Variants in C13orf42 observed in about 807,000 individuals in gnomAD.
C13orf42 encodes the protein uncharacterized protein C13orf42.
chr13:51,086,311 A>G (rs1371764456), intron 2 of C13orf42, among the ~76,000 whole-genome samples: 1 of 135,338 alleles, frequency 7.4e-6, no homozygotes, highest in Non-Finnish European at 1.6e-5. Flanking sequence ...GTCTCAAAAA[A>G]AAAAACAAAA....
At chr13:51,150,725 G>A (rs560807419) in intron 1 of C13orf42, among the ~76,000 whole-genome samples, 64 of 152,232 alleles carry the variant, frequency 4.2e-4, no homozygotes, top group Non-Finnish European at 6.2e-4. Context: ...GATACTCGCA[G>A]AGAGACCCTC....
chr13:51,102,186 G>T (rs776909028), intron 1 of C13orf42, among the ~76,000 whole-genome samples: 32 of 152,116 alleles, frequency 2.1e-4, no homozygotes, highest in Non-Finnish European at 4.1e-4. Flanking sequence ...CCCAGCCCCC[G>T]CCAGTAACTG....
intron 1 of C13orf42, among the ~76,000 whole-genome samples, chr13:51,154,327 C>T (rs550284040): frequency 4.6e-5 from 7 of 152,276 alleles, no homozygotes; most frequent in Middle Eastern, 3.4e-3. Context: ...TCCCTGCTTT[C>T]GATTCTGTTG....
rs555414977 is a variant in C13orf42, at chr13:51,126,745, G to GC, written n.137-13524dup. Among the ~76,000 whole-genome samples, 32 of 152,330 alleles carry GC rather than the reference G, an allele frequency of 2.1e-4. No homozygotes were observed. In the South Asian group the frequency reaches 6.6e-3, roughly 32 times the overall value. ...GAGTGAATTACCAGGGGAGGTTCTT[G>GC]CCCAAGACTGGGGGAGATGGTTGCC... On this transcript the variant is annotated intron_variant and non_coding_transcript_variant, in intron 1 of 4. Coordinates refer to the C13orf42 transcript ENST00000433280.
At chr13:51,105,581 C>T (rs1413747967) in intron 1 of C13orf42, among the ~76,000 whole-genome samples, 1 of 152,198 alleles carries the variant, frequency 6.6e-6, no homozygotes, top group Non-Finnish European at 1.5e-5. Flanking sequence ...TGGTTCTTCT[C>T]AGATCATCAG....
chr13:51,149,465 A>C (rs1340546), intron 1 of C13orf42, among the ~76,000 whole-genome samples: 2 of 152,014 alleles, frequency 1.3e-5, no homozygotes, highest in Non-Finnish European at 2.9e-5. Context: ...TGATTTCTCT[A>C]AAGAGCCATT....
intron 1 of C13orf42, among the ~76,000 whole-genome samples, chr13:51,124,317 C>T (rs779798307): frequency 3.9e-5 from 6 of 152,186 alleles, no homozygotes; most frequent in Non-Finnish European, 8.8e-5. Context: ...AATAATAAAA[C>T]TCAGGTCTCC....
rs369565522 is a variant in C13orf42, at chr13:51,086,961, GAAC to G, written c.562+964_562+966del. ...CACAGATACACATCTATCAAGGCCA[GAAC>G]AACAACAACAAATCACAAGCTTCTT... On this transcript the variant is annotated intron_variant, in intron 2 of 3. Coordinates refer to ENST00000563710, the MANE Select transcript of C13orf42 (RefSeq NM_001351589.3). Among the ~76,000 whole-genome samples the G allele has an allele frequency of 9.1e-3, 1,390 of 152,226 alleles. 25 individuals are homozygous for G. The highest frequency in any genetic ancestry group is 0.032 in the African/African-American group (1,322 of 41,510).
intron 1 of C13orf42, among the ~76,000 whole-genome samples, chr13:51,153,798 T>A (rs1212239648): frequency 6.6e-6 from 1 of 151,934 alleles, no homozygotes; most frequent in Non-Finnish European, 1.5e-5. Context: ...CATTCCTAGC[T>A]AAGTTTTGTA....
chr13:51,140,195 A>G (rs1160214052), intron 1 of C13orf42, among the ~76,000 whole-genome samples: 1 of 152,220 alleles, frequency 6.6e-6, no homozygotes, highest in Admixed American at 6.5e-5. Context: ...TCTGTGACCT[A>G]GAAGCTCCCT....
chr13:51,093,480 ATTAAAT>A (rs1436553715), intron 1 of C13orf42, among the ~76,000 whole-genome samples: 3 of 152,166 alleles, frequency 2.0e-5, no homozygotes, highest in African/African-American at 7.2e-5. Flanking sequence ...ACTTTTAATT[ATTAAAT>A]TTAAATTTAA....
At chr13:51,087,772 C>T (rs1953143591) in intron 2 of C13orf42, among the ~76,000 whole-genome samples, 156 bp downstream of exon 2, 1 of 152,172 alleles carries the variant, frequency 6.6e-6, no homozygotes, top group Non-Finnish European at 1.5e-5. Flanking sequence ...GGGCCAGGCT[C>T]CAGCTTGGAG....
At chr13:51,133,178 C>T (rs1446505556) in intron 1 of C13orf42, among the ~76,000 whole-genome samples, 7 of 152,178 alleles carry the variant, frequency 4.6e-5, no homozygotes, top group Non-Finnish European at 8.8e-5. Flanking sequence ...CTTTACTATA[C>T]GGACTCACCG....
At chr13:51,119,240 C>T (rs1366707482) in intron 1 of C13orf42, among the ~76,000 whole-genome samples, 3 of 152,056 alleles carry the variant, frequency 2.0e-5, no homozygotes, top group African/African-American at 7.3e-5. Context: ...ATCCTCAAGT[C>T]ATCAAGAGGA....
chr13:51,171,660 G>T (rs11619851), intron 1 of C13orf42, among the ~76,000 whole-genome samples: 2 of 151,822 alleles, frequency 1.3e-5, no homozygotes, highest in African/African-American at 4.9e-5. Context: ...AGTTTCGTTC[G>T]GTGACTAGCC....
intron 1 of C13orf42, among the ~76,000 whole-genome samples, chr13:51,169,370 A>C (rs1463622142): frequency 6.6e-6 from 1 of 152,228 alleles, no homozygotes; most frequent in African/African-American, 2.4e-5. Flanking sequence ...CTGAAACTGG[A>C]AGCAGAGTGT....
chr13:51,115,220 G>A (rs954553468), upstream of C13orf42, among the ~76,000 whole-genome samples: 1 of 152,128 alleles, frequency 6.6e-6, no homozygotes, highest in African/African-American at 2.4e-5. Context: ...TGCAATATTT[G>A]TAGAGATCAC....
chr13:51,150,357 A>C (rs1953769232), intron 1 of C13orf42, among the ~76,000 whole-genome samples: 1 of 152,196 alleles, frequency 6.6e-6, no homozygotes, highest in African/African-American at 2.4e-5. Flanking sequence ...GACTGGGGGA[A>C]TCAATACTGG....
chr13:51,159,495 AG>A (rs1953848299), intron 1 of C13orf42, among the ~76,000 whole-genome samples: 1 of 152,242 alleles, frequency 6.6e-6, no homozygotes, highest in African/African-American at 2.4e-5. Flanking sequence ...AGGAAAACAT[AG>A]ATTATAGAAA....
Sources: gnomAD v4.1 joint callset for allele counts (sites outside exome capture counted in the v4.1 genomes callset) on GRCh38, gnomAD v4.1.1 for gene constraint, MANE v1.5 for transcripts, NCBI Gene and HGNC (gene_info 2026-07-23, HGNC 2026-07-21) for gene names.